Variants in GPHN observed in about 807,000 individuals in gnomAD.
GPHN encodes the protein gephyrin.
Under a neutral mutation model 95.5 loss-of-function variants are expected in GPHN, and 17 were observed. That is an observed-to-expected ratio of 0.18 (90% CI 0.12 to 0.27). GPHN has a LOEUF of 0.27. GPHN is among the 10% of genes least tolerant of loss of function. The pLI is 1.00. For missense variants in GPHN, 660 were observed against 978.1 expected, an observed-to-expected ratio of 0.67 and a Z score of 4.34; for synonymous variants, 320 against 322.5, an observed-to-expected ratio of 0.99 and a Z score of 0.08.
intron 12 of GPHN, among the ~76,000 whole-genome samples, chr14:67,096,035 T>C (rs1284033155): frequency 6.7e-6 from 1 of 149,882 alleles, no homozygotes; most frequent in Non-Finnish European, 1.5e-5. Context: ...TTAGAATCTG[T>C]ATATTCACAA....
the GPHN span, among the ~76,000 whole-genome samples, chr14:67,480,712 A>C: frequency 6.6e-6 from 1 of 152,170 alleles, no homozygotes; most frequent in East Asian, 1.9e-4. Context: ...GGGAACAGGA[A>C]CCTCACAGGG....
At chr14:67,118,733 A>G (rs1797519361) in intron 16 of GPHN, among the ~76,000 whole-genome samples, 2 of 148,898 alleles carry the variant, frequency 1.3e-5, no homozygotes, top group Non-Finnish European at 3.0e-5. Flanking sequence ...CTCCGTCTCA[A>G]AAAAAAAAAA....
chr14:66,898,412 G>A (rs1331771649), intron 5 of GPHN, among the ~76,000 whole-genome samples: 14 of 130,134 alleles, frequency 1.1e-4, no homozygotes, highest in African/African-American at 2.7e-4. Flanking sequence ...TTTTCGTTTG[G>A]TTGGTTGGTT....
At chr14:67,725,963 C>T in the GPHN span, 4 of 904,496 alleles carry the variant, frequency 4.4e-6, no homozygotes, top group Non-Finnish European at 7.5e-6. Flanking sequence ...AACTAATGAA[C>T]AAAGGGAAAG....
the GPHN span, chr14:67,733,603 A>C: frequency 1.7e-6 from 1 of 597,868 alleles, no homozygotes; most frequent in Non-Finnish European, 3.1e-6. Flanking sequence ...ATATTTTTGG[A>C]GTGCATTTTG....
intron 18 of GPHN, among the ~76,000 whole-genome samples, chr14:67,153,783 C>T (rs1313659341): frequency 6.6e-6 from 1 of 152,132 alleles, no homozygotes; most frequent in African/African-American, 2.4e-5. Context: ...GAGACTTATT[C>T]CTTCATCCAT....
the GPHN span, among the ~76,000 whole-genome samples, chr14:67,620,671 C>T: frequency 8.7e-4 from 133 of 152,210 alleles, 1 homozygote; most frequent in Non-Finnish European, 7.6e-4. Context: ...CCGAGCCAGC[C>T]CCACACACGC....
chr14:66,994,456 G>T (rs2071645969), intron 9 of GPHN, among the ~76,000 whole-genome samples: 1 of 152,006 alleles, frequency 6.6e-6, no homozygotes, highest in South Asian at 2.1e-4. Flanking sequence ...ACCTGCAGTG[G>T]CCTAAGACAT....
intron 1 of GPHN, among the ~76,000 whole-genome samples, chr14:66,510,832 T>C (rs1566735061): frequency 1.3e-5 from 2 of 152,002 alleles, no homozygotes; most frequent in Admixed American, 1.3e-4. Flanking sequence ...ATAGGTAAAA[T>C]GTTAGAGAGA....
chr14:67,527,839 T>G, the GPHN span, among the ~76,000 whole-genome samples: 14 of 152,212 alleles, frequency 9.2e-5, no homozygotes, highest in African/African-American at 2.9e-4. Flanking sequence ...GAGCAAGAAC[T>G]CACTCACAGC....
intron 20 of GPHN, among the ~76,000 whole-genome samples, chr14:67,166,924 G>A (rs1381654341): frequency 2.6e-5 from 4 of 152,090 alleles, no homozygotes; most frequent in Non-Finnish European, 4.4e-5. Context: ...CTGTCTCAGC[G>A]TCCCAAAGTT....
At chr14:66,830,669 G>T (rs2153499027) in intron 4 of GPHN, among the ~76,000 whole-genome samples, 1 of 152,136 alleles carries the variant, frequency 6.6e-6, no homozygotes, top group African/African-American at 2.4e-5. Context: ...CAGACAAAAT[G>T]ACCTCTTTCA....
chr14:67,007,497 T>C (rs531143867), intron 9 of GPHN, among the ~76,000 whole-genome samples: 21 of 152,312 alleles, frequency 1.4e-4, no homozygotes, highest in Admixed American at 2.6e-4. Flanking sequence ...TTCACCAATT[T>C]ATTAGTTTTA....
At chr14:67,227,710 G>C in the GPHN span, 2 of 152,064 alleles carry the variant, frequency 1.3e-5, no homozygotes, top group Admixed American at 1.3e-4. Flanking sequence ...CACAGATTAA[G>C]AACTTGCAAA....
chr14:66,784,809 C>T (rs1016620448), intron 3 of GPHN, among the ~76,000 whole-genome samples: 8 of 151,994 alleles, frequency 5.3e-5, no homozygotes, highest in Non-Finnish European at 1.0e-4. Flanking sequence ...CATATAAAAA[C>T]AGGAAAAAGA....
At chr14:66,532,910 T>C (rs2139968540) in intron 1 of GPHN, among the ~76,000 whole-genome samples, 1 of 152,332 alleles carries the variant, frequency 6.6e-6, no homozygotes, top group East Asian at 1.9e-4. Flanking sequence ...GCAGTGTTTC[T>C]AAAATGTTTG....
intron 1 of GPHN, among the ~76,000 whole-genome samples, chr14:66,631,926 T>C (rs939754841): frequency 2.0e-5 from 3 of 152,182 alleles, no homozygotes; most frequent in African/African-American, 7.2e-5. Context: ...TGCTATTGCT[T>C]CGAATTCAGG....
At chr14:66,556,110 T>C (rs2059997346) in intron 1 of GPHN, among the ~76,000 whole-genome samples, 1 of 152,136 alleles carries the variant, frequency 6.6e-6, no homozygotes, top group African/African-American at 2.4e-5. Context: ...CTGAAGATTC[T>C]AAATATAGAT....
At chr14:67,495,649 G>T in the GPHN span, among the ~76,000 whole-genome samples, 1 of 152,022 alleles carries the variant, frequency 6.6e-6, no homozygotes, top group African/African-American at 2.4e-5. Context: ...ATGCCCAGTT[G>T]ATTTTTGTAC....
Sources: gnomAD v4.1 joint callset for allele counts (sites outside exome capture counted in the v4.1 genomes callset) on GRCh38, gnomAD v4.1.1 for gene constraint, MANE v1.5 for transcripts, NCBI Gene and HGNC (gene_info 2026-07-23, HGNC 2026-07-21) for gene names.